ROBO2: variants seen among roughly 807,000 people sequenced by gnomAD.
ROBO2 encodes the protein roundabout homolog 2.
A neutral mutation model predicts 160.8 loss-of-function variants in ROBO2; 53 were observed. The observed-to-expected ratio is 0.33, with a 90% CI of 0.26 to 0.41. ROBO2 has a LOEUF of 0.41. Ranked by LOEUF, ROBO2 falls within the 10% of genes least tolerant of loss-of-function variation. The pLI, the probability that ROBO2 is intolerant of heterozygous loss-of-function variation, is 1.00. For synonymous variants in ROBO2, 664 were observed against 611.7 expected (o/e 1.09, Z -1.26); for missense variants, 1,577 against 1,722.4 (o/e 0.92, Z 1.49).
intron 2 of ROBO2, among the ~76,000 whole-genome samples, chr3:76,359,555 C>G (rs1035291386): frequency 6.6e-6 from 1 of 151,966 alleles, no homozygotes; most frequent in African/African-American, 2.4e-5. Context: ...CCTCCTGTTA[C>G]GCACAATGGT....
intron 1 of ROBO2, among the ~76,000 whole-genome samples, chr3:77,061,139 C>G (rs923025093): frequency 2.0e-5 from 3 of 151,908 alleles, no homozygotes; most frequent in East Asian, 3.9e-4. Flanking sequence ...TAATATCATC[C>G]CAAAATATCA....
intron 2 of ROBO2, among the ~76,000 whole-genome samples, chr3:76,324,489 A>AT (rs376759942): frequency 2.2e-4 from 33 of 152,124 alleles, no homozygotes; most frequent in African/African-American, 6.0e-4. Flanking sequence ...CAGGACGGAG[A>AT]TTTTTTCTCT....
rs557612949 is a variant in ROBO2, at chr3:77,477,697, G to A, written c.546+126G>A. The A allele has an allele frequency of 9.7e-5, 97 of 1,002,402 alleles. No homozygotes were observed. In the African/African-American group the frequency reaches 1.2e-3, roughly 12 times the overall value. The allele number at this position is 1,002,402 out of a possible 1,614,324, so 62.1% of individuals were successfully genotyped here. A position where few individuals can be genotyped will look rare whatever the true frequency, so the allele number is the denominator to read the frequency against. ...TTGAATGTTAATTACAATTTATACT[G>A]CCTTGAAAAGATTTAAAAACATTTG... On this transcript the variant is annotated intron_variant, in intron 3 of 25. Coordinates refer to ENST00000461745, the Ensembl canonical transcript of ROBO2.
chr3:76,168,422 G>T (rs886613076), intron 2 of ROBO2, among the ~76,000 whole-genome samples: 1 of 152,050 alleles, frequency 6.6e-6, no homozygotes, highest in African/African-American at 2.4e-5. Context: ...AATTATGCCT[G>T]ACTTTTTCTT....
intron 2 of ROBO2, among the ~76,000 whole-genome samples, chr3:77,458,424 G>A (rs960917272): frequency 7.2e-5 from 11 of 152,172 alleles, no homozygotes; most frequent in Admixed American, 6.5e-4. Context: ...GTTTGGGTTT[G>A]TTGGAAGAAG....
intron 2 of ROBO2, among the ~76,000 whole-genome samples, chr3:75,963,254 T>C (rs1948988601): frequency 6.6e-6 from 1 of 151,740 alleles, no homozygotes; most frequent in Non-Finnish European, 1.5e-5. Context: ...GTGGTGCAAT[T>C]ATGGCTCACT....
chr3:76,934,465 G>A (rs2077556791), intron 2 of ROBO2, among the ~76,000 whole-genome samples: 1 of 152,100 alleles, frequency 6.6e-6, no homozygotes, highest in Non-Finnish European at 1.5e-5. Flanking sequence ...AACTTTGGCT[G>A]GGCATGGTGG....
chr3:77,510,640 T>A (rs1405605358), intron 5 of ROBO2, among the ~76,000 whole-genome samples: 1 of 152,124 alleles, frequency 6.6e-6, no homozygotes, highest in Non-Finnish European at 1.5e-5. Flanking sequence ...ATTAAGTTCT[T>A]ATAACAGCCC....
chr3:76,165,291 T>C (rs1053072452), intron 2 of ROBO2, among the ~76,000 whole-genome samples: 1 of 152,176 alleles, frequency 6.6e-6, no homozygotes, highest in African/African-American at 2.4e-5. Context: ...CGTTTTTATG[T>C]TATGGAGATG....
chr3:76,401,892 A>G (rs2077843267), intron 2 of ROBO2, among the ~76,000 whole-genome samples: 1 of 151,536 alleles, frequency 6.6e-6, no homozygotes, highest in Admixed American at 6.6e-5. Flanking sequence ...TGAATTCATC[A>G]TAGCCTAGAA....
rs1709008975 is a variant in ROBO2, at chr3:76,295,272, T to A, written c.109+357670T>A. The stretch of plus-strand genomic sequence containing the variant: ...GTGGATTCTTTTTGTCCTCCCCTGA[T>A]TCAAGCAGTTGTTACTGGAGGGATG... On this transcript the variant is annotated intron_variant, in intron 2 of 26. Coordinates refer to the ROBO2 transcript ENST00000487694. Among the ~76,000 whole-genome samples the A allele has an allele frequency of 2.6e-5, 4 of 152,228 alleles. No individual in the cohort carries two copies. In the South Asian group the frequency reaches 8.3e-4, roughly 32 times the overall value.
chr3:77,013,481 T>C (rs768836578), intron 2 of ROBO2, among the ~76,000 whole-genome samples: 6 of 152,148 alleles, frequency 3.9e-5, no homozygotes, highest in Non-Finnish European at 5.9e-5. Flanking sequence ...TCAATGTTGA[T>C]GAAATAATAC....
rs377194271 is a variant in ROBO2, at chr3:77,383,162, T to A, written c.389-94252T>A. On this transcript the variant is annotated intron_variant, in intron 2 of 25. Transcript: ENST00000461745. Reference sequence around the variant, plus strand: ...AATAATTTTATTACCACCTTGTATATAGTTGATAAGAAATGAGACTCTAGA... The same window carrying A: ...AATAATTTTATTACCACCTTGTATAAAGTTGATAAGAAATGAGACTCTAGA... Among the ~76,000 whole-genome samples the A allele has an allele frequency of 1.5e-4, 23 of 152,132 alleles. No homozygotes were observed. The East Asian group carries it at 1.7e-3, about 11-fold the overall frequency.
intron 2 of ROBO2, among the ~76,000 whole-genome samples, chr3:77,411,089 T>A (rs550576614): frequency 6.6e-6 from 1 of 152,256 alleles, no homozygotes; most frequent in South Asian, 2.1e-4. Context: ...ATTACAGGCA[T>A]GAGCTACCAC....
chr3:76,419,566 C>G (rs771773742), intron 2 of ROBO2, among the ~76,000 whole-genome samples: 1 of 151,874 alleles, frequency 6.6e-6, no homozygotes, highest in Non-Finnish European at 1.5e-5. Flanking sequence ...GTATATCTTT[C>G]TTTTTTCCTC....
At chr3:77,501,250 A>G (rs1238487813) in intron 5 of ROBO2, among the ~76,000 whole-genome samples, 1 of 152,122 alleles carries the variant, frequency 6.6e-6, no homozygotes, top group Non-Finnish European at 1.5e-5. Flanking sequence ...ATGGAGATTT[A>G]CCACTGGAGA....
Position 77,370,956 on chromosome 3 carries a change from G to A in ROBO2, c.389-106458G>A, listed in dbSNP as rs116290218. The stretch of plus-strand genomic sequence containing the variant: ...TGAAAGTTTCCATAAAAGCTCTGAC[G>A]TCTTTGCAGTTGTCGTATAGTTCGG... On this transcript the variant is annotated intron_variant, in intron 2 of 25. Coordinates refer to ENST00000461745, the Ensembl canonical transcript of ROBO2. Among the ~76,000 whole-genome samples the A allele has an allele frequency of 1.5e-3, 231 of 152,294 alleles. 2 individuals carry two copies. Among genetic ancestry groups the A allele is most frequent in the African/African-American group, 5.3e-3 (221 of 41,568 alleles).
At chr3:77,458,865 A>G (rs2081962880) in intron 2 of ROBO2, among the ~76,000 whole-genome samples, 1 of 152,168 alleles carries the variant, frequency 6.6e-6, no homozygotes, top group Admixed American at 6.5e-5. Flanking sequence ...TTAAAGTATA[A>G]GATCTAGAAT....
chr3:76,939,547 T>C (rs2078010641), intron 2 of ROBO2, among the ~76,000 whole-genome samples: 1 of 152,056 alleles, frequency 6.6e-6, no homozygotes, highest in Non-Finnish European at 1.5e-5. Context: ...TCCCAGCACT[T>C]TGGGAGGCTG....
Sources: gnomAD v4.1 joint callset for allele counts (sites outside exome capture counted in the v4.1 genomes callset) on GRCh38, gnomAD v4.1.1 for gene constraint, MANE v1.5 for transcripts, NCBI Gene and HGNC (gene_info 2026-07-23, HGNC 2026-07-21) for gene names.